Variants in PPP4R4 observed in about 807,000 individuals in gnomAD.
The protein encoded by PPP4R4 is serine/threonine-protein phosphatase 4 regulatory subunit 4.
In PPP4R4, 70 loss-of-function variants were observed where a neutral mutation model predicts 121.8. The observed-to-expected ratio is 0.57, with a 90% CI of 0.47 to 0.70. PPP4R4 has a LOEUF of 0.70. PPP4R4 is among the 30% of genes least tolerant of loss of function. The pLI, the probability that PPP4R4 is intolerant of heterozygous loss-of-function variation, is 0.00. For synonymous variants in PPP4R4, 348 were observed against 355.7 expected (o/e 0.98, Z 0.24); for missense variants, 875 against 1,033.6 (o/e 0.85, Z 2.10).
chr14:94,182,630 A>C (rs1192958781), intron 2 of PPP4R4, among the ~76,000 whole-genome samples: 1 of 152,224 alleles, frequency 6.6e-6, no homozygotes, highest in Non-Finnish European at 1.5e-5. Flanking sequence ...GCTGTATACT[A>C]TTCCATTATG....
chr14:94,176,902 C>CT lies in PPP4R4; in HGVS notation c.191+784dup, dbSNP rs376877084. On this transcript the variant is annotated intron_variant, in intron 2 of 24. Coordinates refer to ENST00000304338, the MANE Select transcript of PPP4R4 (RefSeq NM_058237.2). ...TTTCCCTTTTGGCAAATTAGTCACT[C>CT]TTTTTTTTTCCAGAATCAGGTTTTG... Among the ~76,000 whole-genome samples the CT allele has an allele frequency of 7.3e-4, 110 of 151,508 alleles. 1 individual carries two copies. The highest frequency in any genetic ancestry group is 1.2e-3 in the East Asian group (6 of 5,170).
At chr14:94,190,453 T>G (rs1381790633) in intron 2 of PPP4R4, among the ~76,000 whole-genome samples, 1 of 151,924 alleles carries the variant, frequency 6.6e-6, no homozygotes, top group African/African-American at 2.4e-5. Flanking sequence ...ACTAAAAAAT[T>G]AGCCAGGTGT....
chr14:94,174,456 C>T lies in PPP4R4; in HGVS notation c.-10C>T. The stretch of plus-strand genomic sequence containing the variant: ...GCTCCGGCCCGGGCGGCGAGAGTGC[C>T]CGGCGGTCCATGCATCCGCCGCCGC... On this transcript the variant is annotated 5_prime_UTR_variant, in exon 1 of 25. Transcript: ENST00000304338. 1.9e-6 allele frequency: 3 copies of T among 1,588,600 alleles called. No homozygotes were observed. The highest frequency in any genetic ancestry group is 4.7e-5 in the East Asian group (2 of 42,942).
chr14:94,174,646 C>G, intron 1 of PPP4R4, 64 bp downstream of exon 1: 5 of 1,585,126 alleles, frequency 3.2e-6, no homozygotes, highest in East Asian at 2.3e-5. Flanking sequence ...CGGTCCCGCG[C>G]TGATCTCTGC....
intron 13 of PPP4R4, 67 bp from the exon 14 acceptor site, chr14:94,246,290 G>A (rs1595520570): frequency 7.3e-7 from 1 of 1,377,448 alleles, no homozygotes; most frequent in Non-Finnish European, 9.9e-7. Context: ...TGTGTTATAA[G>A]ACTGAGTAAT....
chr14:94,267,166 CT>C (rs1894094097), intron 23 of PPP4R4, 137 bp downstream of exon 23: 5 of 571,544 alleles, frequency 8.7e-6, no homozygotes, highest in African/African-American at 3.9e-5. Context: ...AGAAATTAAA[CT>C]TTTGTCTAGC....
At chr14:94,182,944 T>C (rs1889069733) in intron 2 of PPP4R4, among the ~76,000 whole-genome samples, 1 of 152,204 alleles carries the variant, frequency 6.6e-6, no homozygotes, top group African/African-American at 2.4e-5. Context: ...GACAAACTTC[T>C]AGTACATAAT....
intron 3 of PPP4R4, among the ~76,000 whole-genome samples, chr14:94,226,934 G>A (rs1891739083): frequency 6.6e-6 from 1 of 152,032 alleles, no homozygotes; most frequent in Non-Finnish European, 1.5e-5. Context: ...TTTCTATATT[G>A]TGTATTTTAA....
chr14:94,238,097 C>G (rs554723321), intron 8 of PPP4R4, among the ~76,000 whole-genome samples: 2 of 152,338 alleles, frequency 1.3e-5, no homozygotes, highest in African/African-American at 2.4e-5. Context: ...TAACAACCTG[C>G]TCTCCAGAGA....
chr14:94,188,747 C>T (rs1300872637), intron 2 of PPP4R4, among the ~76,000 whole-genome samples: 1 of 151,938 alleles, frequency 6.6e-6, no homozygotes, highest in African/African-American at 2.4e-5. Flanking sequence ...CACAAAAAGT[C>T]AGTATGTGAG....
chr14:94,185,045 G>T (rs1394329000), intron 2 of PPP4R4, among the ~76,000 whole-genome samples: 2 of 152,164 alleles, frequency 1.3e-5, no homozygotes, highest in East Asian at 1.9e-4. Flanking sequence ...CAGTAGAATA[G>T]AGGTTATCCC....
chr14:94,223,865 A>T (rs915897852), intron 3 of PPP4R4, among the ~76,000 whole-genome samples: 1 of 150,566 alleles, frequency 6.6e-6, no homozygotes, highest in African/African-American at 2.4e-5. Context: ...CTCTGTGCAC[A>T]TATATCCCTC....
At chr14:94,249,521 CT>C (rs1385793219) in intron 14 of PPP4R4, among the ~76,000 whole-genome samples, 3 of 152,066 alleles carry the variant, frequency 2.0e-5, no homozygotes, top group Admixed American at 6.5e-5. Context: ...CACAATACGT[CT>C]GGTTGAGAGA....
intron 23 of PPP4R4, among the ~76,000 whole-genome samples, chr14:94,270,989 T>C (rs1200559250): frequency 6.6e-6 from 1 of 151,114 alleles, no homozygotes; most frequent in African/African-American, 2.4e-5. Flanking sequence ...AAATAGACAA[T>C]CTGAATAGGC....
At chr14:94,230,555 A>G (rs746934928) in intron 3 of PPP4R4, 32 bp from the exon 4 acceptor site, 24 of 1,575,848 alleles carry the variant, frequency 1.5e-5, no homozygotes, top group South Asian at 2.3e-5. Flanking sequence ...TCTCTCATCT[A>G]TGTAAATAGC....
chr14:94,245,279 C>T (rs982112133), intron 12 of PPP4R4, among the ~76,000 whole-genome samples: 22 of 152,074 alleles, frequency 1.4e-4, no homozygotes, highest in Admixed American at 2.6e-4. Flanking sequence ...ATTTAAACAA[C>T]GTTTCGAAAG....
intron 2 of PPP4R4, among the ~76,000 whole-genome samples, chr14:94,190,290 G>A (rs1232029220): frequency 6.6e-6 from 1 of 152,104 alleles, no homozygotes; most frequent in East Asian, 1.9e-4. Context: ...CCCCTGCTAT[G>A]TCTTAACATA....
rs140376530 is a variant in PPP4R4, at chr14:94,278,903, T to C, written c.*260T>C. 46 of 255,386 alleles carry C rather than the reference T, an allele frequency of 1.8e-4. No individual in the cohort carries two copies. Among genetic ancestry groups the C allele is most frequent in the Middle Eastern group, 1.2e-3 (1 of 850 alleles). 15.8% of individuals were successfully genotyped at this position (255,386 alleles called of 1,614,324 possible). Reference sequence around the variant, plus strand: ...ATTCCAATGTTATAGTGAAGTGTAATGAAAAACATCTCTAGGAATGTGCTT... The same window carrying C: ...ATTCCAATGTTATAGTGAAGTGTAACGAAAAACATCTCTAGGAATGTGCTT... On this transcript the variant is annotated 3_prime_UTR_variant, in exon 25 of 25. Transcript: ENST00000304338.
chr14:94,212,670 T>G (rs1487618340), intron 3 of PPP4R4, among the ~76,000 whole-genome samples: 1 of 152,140 alleles, frequency 6.6e-6, no homozygotes, highest in East Asian at 1.9e-4. Flanking sequence ...TTTATTAAGT[T>G]TTAATTCTTT....
Sources: gnomAD v4.1 joint callset for allele counts (sites outside exome capture counted in the v4.1 genomes callset) on GRCh38, gnomAD v4.1.1 for gene constraint, MANE v1.5 for transcripts, NCBI Gene and HGNC (gene_info 2026-07-23, HGNC 2026-07-21) for gene names.